The following IGFBP2 variants were observed in gnomAD, a reference collection of about 807,000 sequenced individuals.
IGFBP2 encodes the protein insulin-like growth factor-binding protein 2.
A neutral mutation model predicts 26.2 loss-of-function variants in IGFBP2; 12 were observed. The ratio of observed to expected loss-of-function variants is 0.46; its 90% CI spans 0.29 to 0.74. IGFBP2 has a LOEUF of 0.74. Ranked by LOEUF, IGFBP2 falls within the 30% of genes least tolerant of loss-of-function variation. IGFBP2 has a pLI of 0.09. For synonymous variants in IGFBP2, 189 were observed against 200.6 expected (o/e 0.94, Z 0.49); for missense variants, 328 against 441.2 (o/e 0.74, Z 2.30).
intron 1 of IGFBP2, among the ~76,000 whole-genome samples, 196 bp from the exon 2 acceptor site, chr2:216,660,360 AC>A (rs1183888045): frequency 4.6e-5 from 7 of 152,122 alleles, no homozygotes; most frequent in Non-Finnish European, 1.0e-4. Flanking sequence ...TGCTAGTAGT[AC>A]CCACCTAAGA....
At chr2:216,647,676 C>T (rs1029217119) in intron 1 of IGFBP2, among the ~76,000 whole-genome samples, 23 of 152,012 alleles carry the variant, frequency 1.5e-4, no homozygotes, top group East Asian at 7.7e-4. Context: ...CCCACCACCA[C>T]GCCTGGCTAA....
intron 1 of IGFBP2, among the ~76,000 whole-genome samples, chr2:216,643,908 C>A (rs1035307935): frequency 1.3e-5 from 2 of 152,106 alleles, no homozygotes; most frequent in South Asian, 2.1e-4. Context: ...TCCACACTCA[C>A]AAAGAGCAGG....
At chr2:216,651,565 A>C (rs1697825846) in intron 1 of IGFBP2, among the ~76,000 whole-genome samples, 2 of 152,222 alleles carry the variant, frequency 1.3e-5, no homozygotes, top group South Asian at 4.1e-4. Flanking sequence ...GAGCTTTGAT[A>C]TTTAGCAATG....
rs971201355 is a variant in IGFBP2 at position 216,633,734 on chromosome 2, G to T, written c.211G>T (p.Ala71Ser). 1 of 1,252,506 alleles carries T rather than the reference G, an allele frequency of 8.0e-7. No individual in the cohort carries two copies. The highest frequency in any genetic ancestry group is 1.6e-5 in the African/African-American group (1 of 63,936). 77.6% of individuals were successfully genotyped at this position (1,252,506 alleles called of 1,614,324 possible). A position where few individuals can be genotyped will look rare whatever the true frequency, so the allele number is the denominator to read the frequency against. ...PAAVAAVAGG[A>S]RMPCAELVRE... Reference sequence around the variant, plus strand: ...CGCGGTGGCCGCAGTGGCCGGAGGCGCCCGCATGCCATGCGCGGAGCTCGT... The same window carrying T: ...CGCGGTGGCCGCAGTGGCCGGAGGCTCCCGCATGCCATGCGCGGAGCTCGT... The change falls in exon 1 of 4, where the codon GCC (alanine) becomes TCC (serine). Residue 71 changes from alanine to serine, a missense_variant. Coordinates refer to ENST00000233809, the MANE Select transcript of IGFBP2 (RefSeq NM_000597.3).
chr2:216,651,527 T>C (rs1697825001), intron 1 of IGFBP2, among the ~76,000 whole-genome samples: 4 of 152,254 alleles, frequency 2.6e-5, no homozygotes, highest in Non-Finnish European at 1.5e-5. Flanking sequence ...AATTCATTCT[T>C]GCTTAAGGAC....
rs764593981 is a variant in IGFBP2 at position 216,663,924 on chromosome 2, TCTC to T, written c.814-12_814-10del. 6.2e-5 allele frequency: 100 copies of T among 1,611,464 alleles called. No homozygotes were observed. The highest frequency in any genetic ancestry group is 4.1e-4 in the South Asian group (37 of 90,644). The stretch of plus-strand genomic sequence containing the variant: ...CTGGCTGCGGGCTCCTCCATGCTCT[TCTC>T]CTCTCTCCCCAGTGCAAGATGTCTC... On this transcript the variant is annotated splice_polypyrimidine_tract_variant and intron_variant, in intron 3 of 3. Transcript: ENST00000233809.
chr2:216,635,146 A>G (rs774683446), intron 1 of IGFBP2, among the ~76,000 whole-genome samples: 3 of 151,840 alleles, frequency 2.0e-5, no homozygotes, highest in Non-Finnish European at 2.9e-5. Context: ...CTGGTCGGCT[A>G]TTGTTTTTTT....
At chr2:216,636,220 C>T (rs1697492048) in intron 1 of IGFBP2, among the ~76,000 whole-genome samples, 2 of 152,082 alleles carry the variant, frequency 1.3e-5, no homozygotes, top group South Asian at 4.1e-4. Context: ...GCACTGAATC[C>T]TCTGCCTCCC....
chr2:216,654,179 A>G (rs1206771048), intron 1 of IGFBP2, among the ~76,000 whole-genome samples: 1 of 152,170 alleles, frequency 6.6e-6, no homozygotes, highest in South Asian at 2.1e-4. Context: ...CTTGCAGCCT[A>G]TAAGAGGATA....
chr2:216,660,842 C>T (rs1384830808), intron 2 of IGFBP2, 56 bp downstream of exon 2: 4 of 1,393,702 alleles, frequency 2.9e-6, no homozygotes, highest in Non-Finnish European at 2.0e-6. Flanking sequence ...AGTGGGGTCT[C>T]AGCTGGAGGA....
At chr2:216,634,944 G>A (rs1306791927) in intron 1 of IGFBP2, among the ~76,000 whole-genome samples, 1 of 145,900 alleles carries the variant, frequency 6.9e-6, no homozygotes, top group African/African-American at 2.5e-5. Flanking sequence ...TCGGGAGGAA[G>A]CTGTAATTAT....
At chr2:216,648,184 C>T (rs967102605) in intron 1 of IGFBP2, among the ~76,000 whole-genome samples, 14 of 152,294 alleles carry the variant, frequency 9.2e-5, no homozygotes, top group East Asian at 3.9e-4. Flanking sequence ...GGAGACAGAA[C>T]GGCTCCTTCC....
At chr2:216,659,800 C>G (rs774853409) in intron 1 of IGFBP2, 6 of 1,416,146 alleles carry the variant, frequency 4.2e-6, no homozygotes, top group Non-Finnish European at 5.8e-6. Flanking sequence ...TTGGGGCTCT[C>G]AGTATAATGG....
rs966101248 is a variant in IGFBP2, at chr2:216,633,422, GGAA to G, written c.-97_-95del. 1 of 181,606 alleles carries G rather than the reference GGAA, an allele frequency of 5.5e-6. No homozygotes were observed. Among genetic ancestry groups the G allele is most frequent in the Non-Finnish European group, 1.1e-5 (1 of 93,824 alleles). 11.2% of individuals were successfully genotyped at this position (181,606 alleles called of 1,614,324 possible). A position where few individuals can be genotyped will look rare whatever the true frequency, so the allele number is the denominator to read the frequency against. On this transcript the variant is annotated 5_prime_UTR_variant, in exon 1 of 4. Transcript: ENST00000233809. ...ACCCGGCTGCGGCGGCGAGGGAGGA[GGAA>G]GAAGCGGAGGAGGCGGCTCCCGCGC...
intron 1 of IGFBP2, among the ~76,000 whole-genome samples, chr2:216,646,935 G>A (rs1201755365): frequency 6.6e-6 from 1 of 152,188 alleles, no homozygotes. Flanking sequence ...CACATGCTGT[G>A]TGTCAGCTAG....
intron 1 of IGFBP2, among the ~76,000 whole-genome samples, chr2:216,645,751 A>G (rs959010664): frequency 1.3e-5 from 2 of 152,162 alleles, no homozygotes; most frequent in Non-Finnish European, 2.9e-5. Context: ...GCTTACCTGG[A>G]CAGCTGCCAC....
At chr2:216,636,096 A>G (rs9341105) in intron 1 of IGFBP2, among the ~76,000 whole-genome samples, 36,859 of 151,912 alleles carry the variant, frequency 0.24, 4,741 homozygotes, top group Middle Eastern at 0.42. Context: ...AAAAGGGGTC[A>G]AGGTTGGAGG....
intron 1 of IGFBP2, among the ~76,000 whole-genome samples, chr2:216,656,200 G>T (rs559345428): frequency 1.3e-5 from 2 of 152,092 alleles, no homozygotes; most frequent in Non-Finnish European, 2.9e-5. Flanking sequence ...CCTCTGGGAC[G>T]CAGCCAAGGG....
chr2:216,652,395 C>T (rs548352127), intron 1 of IGFBP2, among the ~76,000 whole-genome samples: 2 of 152,084 alleles, frequency 1.3e-5, no homozygotes, highest in African/African-American at 2.4e-5. Flanking sequence ...AGACTGGTCT[C>T]GAACTCCTGA....
Sources: allele counts gnomAD v4.1 joint callset (sites outside exome capture counted in the v4.1 genomes callset), GRCh38; gene constraint gnomAD v4.1.1; transcripts MANE v1.5; gene names NCBI Gene and HGNC (gene_info 2026-07-23, HGNC 2026-07-21).